The following RABGAP1L variants were observed in gnomAD, a reference collection of about 807,000 sequenced individuals.
RABGAP1L encodes the protein rab GTPase-activating protein 1-like.
In RABGAP1L, 63 loss-of-function variants were observed where a neutral mutation model predicts 137.7. The observed-to-expected ratio is 0.46, with a 90% CI of 0.37 to 0.56. RABGAP1L has a LOEUF of 0.56. Among genes scored for constraint, RABGAP1L ranks in the 20% least tolerant of loss-of-function variants. The probability of loss-of-function intolerance (pLI) is 0.00; values close to 1 mark genes in which losing one functional copy is unlikely to be tolerated. For synonymous variants in RABGAP1L, 431 were observed against 433.7 expected (o/e 0.99, Z 0.08); for missense variants, 1,095 against 1,244.0 (o/e 0.88, Z 1.80).
chr1:174,269,672 A>G (rs1043381688), intron 7 of RABGAP1L, among the ~76,000 whole-genome samples: 5 of 152,162 alleles, frequency 3.3e-5, no homozygotes, highest in African/African-American at 1.2e-4. Flanking sequence ...GTTGATTTCA[A>G]TTTTTCAGTG....
intron 10 of RABGAP1L, among the ~76,000 whole-genome samples, chr1:174,299,098 A>G (rs963419471): frequency 4.6e-5 from 7 of 152,218 alleles, no homozygotes; most frequent in Non-Finnish European, 1.0e-4. Context: ...AATAGACTTT[A>G]GTTTTATACT....
At chr1:174,219,325 A>G in intron 2 of RABGAP1L, 30 bp downstream of exon 2, 2 of 1,403,042 alleles carry the variant, frequency 1.4e-6, no homozygotes, top group South Asian at 2.9e-5. Flanking sequence ...ATATGGTATA[A>G]TTTTTAATTA....
At chr1:174,689,086 GT>G (rs1158562740) in intron 15 of RABGAP1L, among the ~76,000 whole-genome samples, 1 of 151,820 alleles carries the variant, frequency 6.6e-6, no homozygotes, top group African/African-American at 2.4e-5. Flanking sequence ...TCCTTTGTAA[GT>G]TTTTTTAGTT....
Position 174,185,205 on chromosome 1 carries a change from G to A in RABGAP1L, c.-34+25548G>A, listed in dbSNP as rs1666708943. Among the ~76,000 whole-genome samples the A allele has an allele frequency of 2.6e-5, 4 of 152,146 alleles. No individual in the cohort carries two copies. The South Asian group carries it at 8.3e-4, about 32-fold the overall frequency. ...GCAAAATATGGGGACACCTTAAGAT[G>A]CCTTATAATCTTTTAGATCTATTAG... is the stretch of plus-strand genomic sequence containing the variant. On this transcript the variant is annotated intron_variant, in intron 1 of 25. Transcript: ENST00000681986.
intron 18 of RABGAP1L, among the ~76,000 whole-genome samples, chr1:174,763,650 C>CAAAAAAAAAA (rs1165876748): frequency 1.5e-4 from 2 of 13,120 alleles, no homozygotes; most frequent in African/African-American, 4.5e-4. Context: ...GACTCCGTCT[C>CAAAAAAAAAA]AAAAAAAAAA....
chr1:174,351,362 G>A (rs1196775243), intron 11 of RABGAP1L, among the ~76,000 whole-genome samples: 1 of 152,094 alleles, frequency 6.6e-6, no homozygotes, highest in African/African-American at 2.4e-5. Flanking sequence ...CAGGTCTGGT[G>A]TTGATAAAAT....
At chr1:174,783,225 C>A (rs1297077732) in intron 18 of RABGAP1L, among the ~76,000 whole-genome samples, 5 of 152,310 alleles carry the variant, frequency 3.3e-5, no homozygotes, top group African/African-American at 1.2e-4. Context: ...TGGCTAAATG[C>A]CCAGGTTTGT....
At chr1:174,320,382 G>A (rs746932801) in intron 11 of RABGAP1L, among the ~76,000 whole-genome samples, 1 of 152,156 alleles carries the variant, frequency 6.6e-6, no homozygotes, top group African/African-American at 2.4e-5. Context: ...GTAGCATAAT[G>A]CCTTTTAGAT....
intron 19 of RABGAP1L, among the ~76,000 whole-genome samples, chr1:174,937,676 G>A (rs1182331785): frequency 3.0e-5 from 2 of 66,220 alleles, no homozygotes; most frequent in Non-Finnish European, 2.9e-5. Context: ...ACAGTGCTTG[G>A]TGCTGGTTTG....
intron 7 of RABGAP1L, among the ~76,000 whole-genome samples, chr1:174,253,173 G>T (rs1436006239): frequency 6.6e-6 from 1 of 152,122 alleles, no homozygotes; most frequent in Non-Finnish European, 1.5e-5. Flanking sequence ...AGAAAAACAG[G>T]TCAGAGTATA....
chr1:174,984,628 G>T (rs1671433022), intron 24 of RABGAP1L, among the ~76,000 whole-genome samples: 1 of 152,150 alleles, frequency 6.6e-6, no homozygotes. Context: ...TGTAATCTCA[G>T]CTACTCTGGA....
chr1:174,621,767 C>A (rs187127770), intron 13 of RABGAP1L, among the ~76,000 whole-genome samples: 3 of 152,260 alleles, frequency 2.0e-5, no homozygotes, highest in African/African-American at 7.2e-5. Context: ...AAAACCTAGG[C>A]AATACCATTG....
Position 174,260,124 on chromosome 1 carries a change from C to T in RABGAP1L, c.986+7534C>T, listed in dbSNP as rs942765344. 3.3e-5 allele frequency among the ~76,000 whole-genome samples: 5 copies of T among 152,076 alleles called. No individual in the cohort carries two copies. The East Asian group carries it at 5.8e-4, about 18-fold the overall frequency. ...CTGGGATTACAGGTGTAAGCCACCA[C>T]GCCTGGCCTATTACTCCATTTTATA... On this transcript the variant is annotated intron_variant, in intron 7 of 25. Coordinates refer to ENST00000681986, the MANE Select transcript of RABGAP1L (RefSeq NM_001366446.1).
intron 17 of RABGAP1L, among the ~76,000 whole-genome samples, chr1:174,740,453 C>T (rs893527996): frequency 6.6e-6 from 1 of 152,046 alleles, no homozygotes. Context: ...CCTGGTGTGT[C>T]AGTCTCGGTA....
At chr1:174,411,995 C>T (rs1558211756) in intron 13 of RABGAP1L, among the ~76,000 whole-genome samples, 1 of 152,006 alleles carries the variant, frequency 6.6e-6, no homozygotes, top group Non-Finnish European at 1.5e-5. Context: ...TTATTAAGTC[C>T]AACTGGACAA....
chr1:174,636,804 T>G (rs765862799), intron 13 of RABGAP1L, among the ~76,000 whole-genome samples: 3 of 152,158 alleles, frequency 2.0e-5, no homozygotes, highest in Non-Finnish European at 2.9e-5. Context: ...GAAATGCATG[T>G]AACTTTTGCC....
chr1:174,171,669 A>G (rs2148234196), intron 1 of RABGAP1L, among the ~76,000 whole-genome samples: 1 of 147,750 alleles, frequency 6.8e-6, no homozygotes, highest in South Asian at 2.1e-4. Flanking sequence ...AACTGTGGCT[A>G]TACTCTTGTT....
At chr1:174,463,359 A>G (rs887886051) in intron 13 of RABGAP1L, among the ~76,000 whole-genome samples, 16 of 152,130 alleles carry the variant, frequency 1.1e-4, no homozygotes, top group African/African-American at 2.4e-4. Context: ...CATGTCCTTT[A>G]TAGGGACATG....
At chr1:174,629,604 C>A (rs920597476) in intron 13 of RABGAP1L, among the ~76,000 whole-genome samples, 3 of 152,084 alleles carry the variant, frequency 2.0e-5, no homozygotes, top group Non-Finnish European at 4.4e-5. Flanking sequence ...CTCACTGCAA[C>A]CTCCACTTCC....
Sources: allele counts gnomAD v4.1 joint callset (sites outside exome capture counted in the v4.1 genomes callset), GRCh38; gene constraint gnomAD v4.1.1; transcripts MANE v1.5; gene names NCBI Gene and HGNC (gene_info 2026-07-23, HGNC 2026-07-21).